The following PPWD1 variants were observed in gnomAD, a reference collection of about 807,000 sequenced individuals.
PPWD1 encodes the protein peptidylprolyl isomerase domain and WD repeat containing 1.
PPWD1 carries 43 observed loss-of-function variants against 68.8 expected under a neutral mutation model. That is an observed-to-expected ratio of 0.62 (90% confidence interval 0.49 to 0.81). PPWD1 has a LOEUF of 0.81. PPWD1 is among the 30% of genes least tolerant of loss of function. The pLI is 0.00. For synonymous variants in PPWD1, 232 were observed against 258.7 expected, an observed-to-expected ratio of 0.90 and a Z score of 0.99; for missense variants, 672 against 804.8, an observed-to-expected ratio of 0.83 and a Z score of 2.00.
chr5:65,577,191 A>G, intron 6 of PPWD1, 122 bp downstream of exon 6: 1 of 1,387,708 alleles, frequency 7.2e-7, no homozygotes, highest in Non-Finnish European at 9.4e-7. Flanking sequence ...AAATGTCTAA[A>G]CTTAACCAAA....
chr5:65,564,431 C>T (rs1752587318), intron 1 of PPWD1, among the ~76,000 whole-genome samples: 1 of 151,324 alleles, frequency 6.6e-6, no homozygotes, highest in African/African-American at 2.4e-5. Context: ...GGGGTTCAAG[C>T]GATTCTCCTG....
Position 65,579,590 on chromosome 5 carries a change from T to G in PPWD1, c.1327T>G (p.Phe443Val). 6.3e-7 allele frequency: 1 copy of G among 1,577,844 alleles called. No homozygotes were observed. Among genetic ancestry groups the G allele is most frequent in the Non-Finnish European group, 8.6e-7 (1 of 1,166,536 alleles). Reference protein sequence around the residue: ...QADPTIVCTSFKKNRFYMFTK... With the variant: ...QADPTIVCTSVKKNRFYMFTK... ...TGACCCAACAATAGTCTGTACATCA[T>G]TCAAAAAGAATAGATTTTATATGGT... Residue 443 changes from phenylalanine to valine, a missense_variant, in exon 7 of 11, where the codon TTC (phenylalanine) becomes GTC (valine). By Grantham distance (50) the Phe-to-Val change is conservative. Coordinates refer to ENST00000261308, the MANE Select transcript of PPWD1 (RefSeq NM_015342.4).
At chr5:65,586,869 A>G (rs1230131034) in intron 10 of PPWD1, among the ~76,000 whole-genome samples, 1 of 152,144 alleles carries the variant, frequency 6.6e-6, no homozygotes, top group Non-Finnish European at 1.5e-5. Context: ...GTCTAATGCC[A>G]AAGTATGTGC....
At chr5:65,578,808 G>GTATATATATATATACATATATATGTA (rs1174295414) in intron 6 of PPWD1, among the ~76,000 whole-genome samples, 8 of 123,170 alleles carry the variant, frequency 6.5e-5, no homozygotes, top group South Asian at 4.7e-4. Flanking sequence ...ATATATATGT[G>GTATATATATATATACATATATATGTA]TATATATATA....
At position 65,577,027 on chromosome 5, in the gene PPWD1, G is replaced by GA. The variant is rs1232278193; in HGVS notation, c.1120dup (p.Thr374AsnfsTer6). 6.2e-7 allele frequency: 1 copy of GA among 1,613,970 alleles called. No homozygotes were observed. The highest frequency in any genetic ancestry group is 2.2e-5 in the East Asian group (1 of 44,868). ...GAAACTGGACACTTCGTGCTGTATGGAACAATGCTGGGCATTAAAGTTATA... is the reference window on the plus strand; with the variant it reads ...GAAACTGGACACTTCGTGCTGTATGGAAACAATGCTGGGCATTAAAGTTATA... On this transcript the variant is annotated frameshift_variant, in exon 6 of 11. Transcript: ENST00000261308. LOFTEE classifies it high-confidence loss of function.
At chr5:65,563,548 T>A in intron 1 of PPWD1, 42 bp downstream of exon 1, 5 of 1,568,300 alleles carry the variant, frequency 3.2e-6, no homozygotes, top group Non-Finnish European at 4.3e-6. Context: ...GAGTGCTGCG[T>A]CCGCTGAGTA....
intron 5 of PPWD1, among the ~76,000 whole-genome samples, chr5:65,574,752 C>T (rs1356721019): frequency 6.6e-6 from 1 of 152,114 alleles, no homozygotes; most frequent in Admixed American, 6.5e-5. Flanking sequence ...CGTGAGCCAC[C>T]GCGCCCGGCC....
Position 65,563,303 on chromosome 5 carries a change from C to T in PPWD1, c.-8C>T, listed in dbSNP as rs746473234. 2.5e-6 allele frequency: 4 copies of T among 1,608,866 alleles called. No individual in the cohort carries two copies. The highest frequency in any genetic ancestry group is 4.5e-5 in the East Asian group (2 of 44,840). ...TTGTGTCGCGCCTTTTCTGACGATG[C>T]GAACAACATGGCGGCGGAAAGTGGT... On this transcript the variant is annotated 5_prime_UTR_variant, in exon 1 of 11. It introduces an in-frame stop codon into an upstream open reading frame of the 5' UTR. Coordinates refer to ENST00000261308, the MANE Select transcript of PPWD1 (RefSeq NM_015342.4).
In PPWD1 at chr5:65,587,488, GATC is replaced by G. The variant is rs1331923085; in HGVS notation, c.*95_*97del. 3 of 982,142 alleles carry G rather than the reference GATC, an allele frequency of 3.1e-6. No homozygotes were observed. The African/African-American group carries it at 5.1e-5, about 17-fold the overall frequency. 60.8% of individuals were successfully genotyped at this position (982,142 alleles called of 1,614,324 possible). ...AAGCTTAGGACTTGCTGAATATACAGATCATGTTTCAAAGATACAGTATTTTTG... is the reference window on the plus strand; with the variant it reads ...AAGCTTAGGACTTGCTGAATATACAGATGTTTCAAAGATACAGTATTTTTG... On this transcript the variant is annotated 3_prime_UTR_variant, in exon 11 of 11. Transcript: ENST00000261308.
intron 7 of PPWD1, 82 bp from the exon 8 acceptor site, chr5:65,582,956 C>A (rs1257515804): frequency 1.4e-6 from 2 of 1,426,086 alleles, no homozygotes; most frequent in East Asian, 4.8e-5. Flanking sequence ...TTAAGTACTT[C>A]ATTAGAAATT....
chr5:65,570,561 C>G (rs1309948349), intron 4 of PPWD1, among the ~76,000 whole-genome samples: 2 of 151,820 alleles, frequency 1.3e-5, no homozygotes, highest in Non-Finnish European at 2.9e-5. Flanking sequence ...TTGGGACTCG[C>G]CTTAGTCTGC....
At chr5:65,569,592 T>G in intron 2 of PPWD1, 40 bp from the exon 3 acceptor site, 1 of 1,519,854 alleles carries the variant, frequency 6.6e-7, no homozygotes, top group African/African-American at 1.4e-5. Context: ...GATTCATAGA[T>G]CTGTCTTAGA....
intron 4 of PPWD1, among the ~76,000 whole-genome samples, chr5:65,571,083 A>G (rs902635684): frequency 6.6e-6 from 1 of 152,146 alleles, no homozygotes; most frequent in Non-Finnish European, 1.5e-5. Context: ...AAAGCTTTCC[A>G]TTCACAGATA....
rs370392254 is a variant in PPWD1 at position 65,578,799 on chromosome 5, T to C, written c.1161-625T>C. Among the ~76,000 whole-genome samples, 479 of 127,618 alleles carry C rather than the reference T, an allele frequency of 3.8e-3. 1 individual carries two copies. The highest frequency in any genetic ancestry group is 0.012 in the African/African-American group (423 of 36,384). 83.7% of individuals were successfully genotyped at this position (127,618 alleles called of 152,430 possible). On this transcript the variant is annotated intron_variant, in intron 6 of 10. Coordinates refer to ENST00000261308, the MANE Select transcript of PPWD1 (RefSeq NM_015342.4). ...ATATATATGTGTATATATATATACA[T>C]ATATATGTGTATATATATACTTTTT...
intron 5 of PPWD1, among the ~76,000 whole-genome samples, chr5:65,574,838 C>G (rs865909590): frequency 5.3e-5 from 8 of 152,350 alleles, no homozygotes; most frequent in African/African-American, 1.9e-4. Flanking sequence ...TCAACATTTG[C>G]TTAAATGATT....
intron 5 of PPWD1, 53 bp from the exon 6 acceptor site, chr5:65,576,826 A>T (rs1753309896): frequency 6.4e-7 from 1 of 1,563,136 alleles, no homozygotes; most frequent in South Asian, 1.2e-5. Context: ...GGGTTGATAT[A>T]GATATAGGTA....
intron 10 of PPWD1, 100 bp downstream of exon 10, chr5:65,586,281 T>A: frequency 8.8e-7 from 1 of 1,134,692 alleles, no homozygotes; most frequent in Non-Finnish European, 1.2e-6. Context: ...TTTTCTGCAT[T>A]ATTTATATCA....
chr5:65,583,621 A>G (rs1753694478), intron 8 of PPWD1, among the ~76,000 whole-genome samples: 2 of 152,168 alleles, frequency 1.3e-5, no homozygotes, highest in African/African-American at 4.8e-5. Context: ...GATACCTACT[A>G]TCTCTTTATA....
Position 65,583,048 on chromosome 5 carries a change from G to A in PPWD1, c.1361G>A (p.Arg454Gln), listed in dbSNP as rs570763596. The A allele has an allele frequency of 1.5e-5, 23 of 1,573,504 alleles. No individual in the cohort carries two copies. Among genetic ancestry groups the A allele is most frequent in the South Asian group, 1.2e-4 (10 of 84,968 alleles). ...ACTTTCCTCCTTGAGTTTACCAAAC[G>A]AGAACCAGAAGATACGAAAAGTGCA... ...KKNRFYMFTK[R>Q]EPEDTKSADS... is the part of the protein sequence containing the mutation. Residue 454 changes from arginine to glutamine, a missense_variant, in exon 8 of 11, where the codon CGA (arginine) becomes CAA (glutamine). Arg to Gln is a conservative substitution (Grantham distance 43). Transcript: ENST00000261308.
Sources: gnomAD v4.1 joint callset for allele counts (sites outside exome capture counted in the v4.1 genomes callset) on GRCh38, gnomAD v4.1.1 for gene constraint, MANE v1.5 for transcripts, NCBI Gene and HGNC (gene_info 2026-07-23, HGNC 2026-07-21) for gene names.